The following OR9Q1 variants were observed in gnomAD, a reference collection of about 807,000 sequenced individuals.
The protein encoded by OR9Q1 is olfactory receptor 9Q1.
For synonymous variants in OR9Q1, 153 were observed against 148.6 expected, an observed-to-expected ratio of 1.03 and a Z score of -0.22; for missense variants, 374 against 378.8, an observed-to-expected ratio of 0.99 and a Z score of 0.11.
chr11:58,146,683 T>G (rs2119884467), intron 2 of OR9Q1, among the ~76,000 whole-genome samples: 1 of 152,232 alleles, frequency 6.6e-6, no homozygotes, highest in South Asian at 2.1e-4. Context: ...CCTAATTTGG[T>G]GTGGTCAGAA....
chr11:58,143,058 C>T (rs1226770435), intron 2 of OR9Q1, among the ~76,000 whole-genome samples: 1 of 152,146 alleles, frequency 6.6e-6, no homozygotes, highest in Non-Finnish European at 1.5e-5. Flanking sequence ...CATATATGCA[C>T]ATCAGAAACA....
chr11:58,042,912 T>C (rs1853179738), intron 1 of OR9Q1, among the ~76,000 whole-genome samples: 1 of 152,214 alleles, frequency 6.6e-6, no homozygotes, highest in Non-Finnish European at 1.5e-5. Context: ...GAAGCAATTG[T>C]AAATGGGAGT....
chr11:58,153,031 T>C (rs1056013321), intron 2 of OR9Q1, among the ~76,000 whole-genome samples: 9 of 152,228 alleles, frequency 5.9e-5, no homozygotes, highest in African/African-American at 1.9e-4. Flanking sequence ...AGGCACTTAG[T>C]AAGCTCTTCT....
At chr11:58,045,696 CA>C (rs1441070442) in intron 1 of OR9Q1, among the ~76,000 whole-genome samples, 1 of 152,194 alleles carries the variant, frequency 6.6e-6, no homozygotes, top group African/African-American at 2.4e-5. Context: ...CTAGGCTCAT[CA>C]AATCCCTTTG....
chr11:58,112,981 A>C (rs547895573), intron 2 of OR9Q1, among the ~76,000 whole-genome samples: 1 of 152,234 alleles, frequency 6.6e-6, no homozygotes, highest in Middle Eastern at 3.4e-3. Context: ...TTATGGACAC[A>C]CAGAACCCTA....
In OR9Q1 at chr11:58,180,553, T is replaced by C. The variant is rs1854655672; in HGVS notation, c.*176T>C. Reference sequence around the variant, plus strand: ...GAAGGAAGACAAGGAAAAGTCAACCTGAAAAGAGATTGGAGTGGGAGTTTT... The same window carrying C: ...GAAGGAAGACAAGGAAAAGTCAACCCGAAAAGAGATTGGAGTGGGAGTTTT... On this transcript the variant is annotated 3_prime_UTR_variant, in exon 3 of 3. Coordinates refer to ENST00000335397, the MANE Select transcript of OR9Q1 (RefSeq NM_001005212.4). 2 of 455,468 alleles carry C rather than the reference T, an allele frequency of 4.4e-6. No homozygotes were observed. The highest frequency in any genetic ancestry group is 8.0e-6 in the Non-Finnish European group (2 of 251,506). The allele number at this position is 455,468 out of a possible 1,614,324, so 28.2% of individuals were successfully genotyped here.
At chr11:58,144,443 T>C (rs1854280757) in intron 2 of OR9Q1, 1 of 152,022 alleles carries the variant, frequency 6.6e-6, no homozygotes, top group Non-Finnish European at 1.5e-5. Flanking sequence ...GACTTTATTA[T>C]TATTATTTTT....
At chr11:58,107,135 T>TTTTTCTAAATTTTTAA in intron 2 of OR9Q1, among the ~76,000 whole-genome samples, 1 of 151,860 alleles carries the variant, frequency 6.6e-6, no homozygotes, top group East Asian at 1.9e-4. Flanking sequence ...AATTATACTT[T>TTTTTCTAAATTTTTAA]ACGTTCTAGG....
chr11:58,145,574 T>A (rs1209731288), intron 2 of OR9Q1, among the ~76,000 whole-genome samples: 1 of 152,154 alleles, frequency 6.6e-6, no homozygotes, highest in African/African-American at 2.4e-5. Context: ...CTTTATTGGC[T>A]TTATGATGTA....
At chr11:58,171,195 A>G (rs1431657842) in intron 2 of OR9Q1, 1 of 152,098 alleles carries the variant, frequency 6.6e-6, no homozygotes, top group African/African-American at 2.4e-5. Flanking sequence ...CACCATCACA[A>G]CTCTCAAGAT....
intron 2 of OR9Q1, among the ~76,000 whole-genome samples, chr11:58,167,288 T>C (rs1319435263): frequency 6.6e-6 from 1 of 152,228 alleles, no homozygotes; most frequent in African/African-American, 2.4e-5. Context: ...TACTCGAGTT[T>C]GTTTTTAGTA....
chr11:58,106,790 G>A (rs75575192), intron 2 of OR9Q1, among the ~76,000 whole-genome samples: 1 of 152,124 alleles, frequency 6.6e-6, no homozygotes, highest in Non-Finnish European at 1.5e-5. Context: ...CTTTGTCAAA[G>A]ATCAGTTGAC....
intron 1 of OR9Q1, among the ~76,000 whole-genome samples, chr11:58,036,924 A>G (rs1202457799): frequency 6.6e-6 from 1 of 152,240 alleles, no homozygotes; most frequent in African/African-American, 2.4e-5. Flanking sequence ...CCATAAACTT[A>G]GTTGATAAAA....
chr11:58,160,438 T>TTTGTTG (rs138422584), intron 2 of OR9Q1, among the ~76,000 whole-genome samples: 2,427 of 150,182 alleles, frequency 0.016, 81 homozygotes, highest in African/African-American at 0.056. Context: ...GAGTAGAATA[T>TTTGTTG]TTGTTGTTGT....
chr11:58,137,003 A>T (rs1468863630), intron 2 of OR9Q1, among the ~76,000 whole-genome samples: 1 of 152,136 alleles, frequency 6.6e-6, no homozygotes, highest in Non-Finnish European at 1.5e-5. Flanking sequence ...ACCACAGTTT[A>T]TGCACTGTCT....
At chr11:58,140,605 G>A (rs7128490) in intron 2 of OR9Q1, among the ~76,000 whole-genome samples, 19,404 of 152,086 alleles carry the variant, frequency 0.13, 1,985 homozygotes, top group African/African-American at 0.24. Context: ...GTAGATATGC[G>A]GAATTATTTC....
chr11:58,158,344 C>T (rs1590620850), intron 2 of OR9Q1, among the ~76,000 whole-genome samples: 1 of 151,544 alleles, frequency 6.6e-6, no homozygotes, highest in East Asian at 1.9e-4. Context: ...AGGCCAGCCA[C>T]ACTCTTGGGC....
intron 2 of OR9Q1, chr11:58,118,935 C>T (rs753060708): frequency 6.2e-6 from 10 of 1,613,982 alleles, no homozygotes. Context: ...TTTGATTGTC[C>T]TTACAGAAGG....
chr11:58,093,580 G>A (rs1026919812), intron 2 of OR9Q1, among the ~76,000 whole-genome samples: 4 of 152,036 alleles, frequency 2.6e-5, no homozygotes, highest in Middle Eastern at 3.4e-3. Context: ...CTAACACGGT[G>A]AAACCTTGTC....
Sources: allele counts gnomAD v4.1 joint callset (sites outside exome capture counted in the v4.1 genomes callset), GRCh38; gene constraint gnomAD v4.1.1; transcripts MANE v1.5; gene names NCBI Gene and HGNC (gene_info 2026-07-23, HGNC 2026-07-21).